The following NSDHL variants were observed in gnomAD, a reference collection of about 807,000 sequenced individuals.
The protein encoded by NSDHL is sterol-4-alpha-carboxylate 3-dehydrogenase, decarboxylating.
NSDHL carries 1 observed loss-of-function variant against 23.0 expected under a neutral mutation model. The observed-to-expected ratio is 0.04, with a 90% CI of 0.02 to 0.21. The LOEUF (loss-of-function observed/expected upper bound fraction) is 0.21. Among genes scored for constraint, NSDHL ranks in the 10% least tolerant of loss-of-function variants. The pLI is 1.00. For synonymous variants in NSDHL, 128 were observed against 121.1 expected (o/e 1.06, Z -0.37); for missense variants, 237 against 300.9 (o/e 0.79, Z 1.57).
intron 7 of NSDHL, among the ~76,000 whole-genome samples, chrX:152,868,238 A>G (rs1434772755): frequency 9.2e-6 from 1 of 108,603 alleles, no homozygotes; most frequent in African/African-American, 3.4e-5. Flanking sequence ...CACTGGTTCA[A>G]GCGATTCTCA....
chrX:152,857,983 G>A (rs1933468860), intron 3 of NSDHL, among the ~76,000 whole-genome samples: 1 of 112,426 alleles, frequency 8.9e-6, no homozygotes, highest in South Asian at 3.7e-4. Context: ...ATTAAGGTTT[G>A]ACAAAATGAT....
chrX:152,847,901 C>T (rs1260874960), intron 2 of NSDHL, among the ~76,000 whole-genome samples: 3 of 105,953 alleles, frequency 2.8e-5, no homozygotes, highest in African/African-American at 1.0e-4. Flanking sequence ...CTGGCTCTGT[C>T]GCCCAGGCTG....
intron 5 of NSDHL, among the ~76,000 whole-genome samples, chrX:152,865,352 G>A (rs1287340437): frequency 1.8e-5 from 2 of 112,229 alleles, no homozygotes; most frequent in Non-Finnish European, 3.8e-5. Flanking sequence ...CCCTCCCCTC[G>A]GAGGTGATAC....
At chrX:152,847,631 C>T (rs1933294205) in intron 2 of NSDHL, among the ~76,000 whole-genome samples, 1 of 111,721 alleles carries the variant, frequency 9.0e-6, no homozygotes, top group African/African-American at 3.3e-5. Context: ...ATTTTTTTCT[C>T]TCATTAGTGG....
In NSDHL at chrX:152,867,797, C is replaced by T. The variant is rs1933631967; in HGVS notation, c.789+124C>T. On this transcript the variant is annotated intron_variant, in intron 7 of 7. Coordinates refer to ENST00000370274, the MANE Select transcript of NSDHL (RefSeq NM_015922.3). ...CATGGAGGATCTGCCTTAGGACCCC[C>T]TGTGCCAAGATCAAGCCCCTCTGAT... 1.3e-5 allele frequency: 7 copies of T among 548,973 alleles called. No individual in the cohort carries two copies. In the South Asian group the frequency reaches 1.5e-4, roughly 12 times the overall value. 45.2% of individuals were successfully genotyped at this position (548,973 alleles called of 1,213,427 possible).
intron 1 of NSDHL, among the ~76,000 whole-genome samples, chrX:152,840,920 C>T (rs1169504719): frequency 4.4e-5 from 5 of 113,356 alleles, no homozygotes; most frequent in Non-Finnish European, 9.4e-5. Context: ...GAGGTGGAGT[C>T]TATAGAGGCA....
chrX:152,837,354 G>C (rs1556844284), intron 1 of NSDHL, among the ~76,000 whole-genome samples: 1 of 111,582 alleles, frequency 9.0e-6, no homozygotes, highest in East Asian at 2.8e-4. Flanking sequence ...TGGTGAGAGA[G>C]GGGACCCCTC....
At chrX:152,833,914 T>A (rs1297301128) in intron 1 of NSDHL, among the ~76,000 whole-genome samples, 1 of 112,694 alleles carries the variant, frequency 8.9e-6, no homozygotes, top group Non-Finnish European at 1.9e-5. Flanking sequence ...AATCAATGCA[T>A]GAGGTGACAC....
chrX:152,835,460 A>AC (rs1431988773), intron 1 of NSDHL, among the ~76,000 whole-genome samples: 5 of 9,969 alleles, frequency 5.0e-4, no homozygotes, highest in Admixed American at 4.6e-3. Flanking sequence ...CCAGGCCCCC[A>AC]CCCCCCAGGC....
At chrX:152,850,492 T>G (rs1014737669) in intron 3 of NSDHL, 69 bp downstream of exon 3, 1 of 1,048,903 alleles carries the variant, frequency 9.5e-7, no homozygotes, top group African/African-American at 1.8e-5. Context: ...CTTCCCTTGC[T>G]CAGAAGCCAG....
intron 1 of NSDHL, among the ~76,000 whole-genome samples, chrX:152,839,696 C>T (rs782721259): frequency 4.4e-5 from 5 of 112,678 alleles, no homozygotes; most frequent in African/African-American, 6.4e-5. Context: ...TTCCCTTTGT[C>T]GGTAACCCGA....
chrX:152,833,963 C>A (rs978610058), intron 1 of NSDHL, among the ~76,000 whole-genome samples: 10 of 112,620 alleles, frequency 8.9e-5, no homozygotes, highest in African/African-American at 3.2e-4. Flanking sequence ...CCGCTTTAAC[C>A]CTGGGGGTTT....
At chrX:152,836,982 G>C (rs1383692885) in intron 1 of NSDHL, among the ~76,000 whole-genome samples, 3 of 111,852 alleles carry the variant, frequency 2.7e-5, no homozygotes, top group Admixed American at 9.4e-5. Context: ...ATTTCGTTGA[G>C]CAATGGTTCG....
chrX:152,832,187 G>A (rs1158047217), intron 1 of NSDHL, among the ~76,000 whole-genome samples: 1 of 111,863 alleles, frequency 8.9e-6, no homozygotes, highest in East Asian at 2.8e-4. Context: ...CTCTCCGCCT[G>A]CCTCCTCTTA....
At chrX:152,835,109 G>A (rs1488879074) in intron 1 of NSDHL, among the ~76,000 whole-genome samples, 4 of 111,571 alleles carry the variant, frequency 3.6e-5, no homozygotes, top group African/African-American at 1.3e-4. Flanking sequence ...GGGCTAACTC[G>A]CTTCTCTCTT....
At chrX:152,866,087 C>A in intron 6 of NSDHL, 126 bp downstream of exon 6, 1 of 785,336 alleles carries the variant, frequency 1.3e-6, no homozygotes, top group Non-Finnish European at 1.9e-6. Context: ...TCCATGCAGG[C>A]TGCTGTAACA....
intron 2 of NSDHL, among the ~76,000 whole-genome samples, chrX:152,846,697 A>T (rs969969855): frequency 1.8e-5 from 2 of 112,034 alleles, no homozygotes; most frequent in Non-Finnish European, 3.8e-5. Flanking sequence ...GGGCTCTTGC[A>T]TGTAGTTGCA....
At chrX:152,861,878 G>A (rs1933534693) in intron 4 of NSDHL, among the ~76,000 whole-genome samples, 2 of 112,246 alleles carry the variant, frequency 1.8e-5, no homozygotes, top group African/African-American at 6.5e-5. Flanking sequence ...ATATTTGCCT[G>A]TGTTTTCTGT....
At position 152,869,223 on chromosome X, in the gene NSDHL, A is replaced by T. The variant is rs1351233995; in HGVS notation, c.*107A>T. On this transcript the variant is annotated 3_prime_UTR_variant, in exon 8 of 8. Coordinates refer to ENST00000370274, the MANE Select transcript of NSDHL (RefSeq NM_015922.3). ...TGAATGAGTTTGCTCTGAGCCTGTGACTCCTTCTGCTAGGCAGAGAGCGCA... is the reference window on the plus strand; with the variant it reads ...TGAATGAGTTTGCTCTGAGCCTGTGTCTCCTTCTGCTAGGCAGAGAGCGCA... The T allele has an allele frequency of 1.5e-6, 1 of 678,491 alleles. No homozygotes were observed. The highest frequency in any genetic ancestry group is 2.6e-5 in the Admixed American group (1 of 38,218). 55.9% of individuals were successfully genotyped at this position (678,491 alleles called of 1,213,427 possible).
Sources: gnomAD v4.1 joint callset for allele counts (sites outside exome capture counted in the v4.1 genomes callset) on GRCh38, gnomAD v4.1.1 for gene constraint, MANE v1.5 for transcripts, NCBI Gene and HGNC (gene_info 2026-07-23, HGNC 2026-07-21) for gene names.